ZNF180: variants seen among roughly 807,000 people sequenced by gnomAD.
ZNF180 encodes the protein zinc finger protein 180.
A neutral mutation model predicts 11.8 loss-of-function variants in ZNF180; 11 were observed. That is an observed-to-expected ratio of 0.93 (90% CI 0.59 to 1.55). ZNF180 has a LOEUF of 1.55. ZNF180 is among the 40% of genes most tolerant of loss of function. The pLI, the probability that ZNF180 is intolerant of heterozygous loss-of-function variation, is 0.00. For synonymous variants in ZNF180, 287 were observed against 257.7 expected (o/e 1.11, Z -1.09); for missense variants, 773 against 781.7 (o/e 0.99, Z 0.13).
At chr19:44,484,210 G>T (rs1225074117) in intron 3 of ZNF180, 151 bp downstream of exon 3, 5 of 643,532 alleles carry the variant, frequency 7.8e-6, no homozygotes, top group Non-Finnish European at 1.4e-5. Context: ...GTGTTAGCCA[G>T]GATGGTCTCG....
At chr19:44,494,556 CAAA>C (rs1970531554) in intron 2 of ZNF180, among the ~76,000 whole-genome samples, 1 of 152,024 alleles carries the variant, frequency 6.6e-6, no homozygotes, top group African/African-American at 2.4e-5. Context: ...CCTGTAGTCC[CAAA>C]TACTCAGGAG....
At chr19:44,479,465 T>A (rs887485999) in intron 3 of ZNF180, 56 bp from the exon 4 acceptor site, 1 of 1,605,114 alleles carries the variant, frequency 6.2e-7, no homozygotes, top group African/African-American at 1.4e-5. Flanking sequence ...CCAAAGTTCA[T>A]GGAGGAGGAA....
chr19:44,495,391 C>T lies in ZNF180; in HGVS notation c.51+1893G>A, dbSNP rs985916256. ...TCCTCTGCCACTTGGACTTGGACAG[C>T]CCACGTCAGGCCACCCCACTGTGTC... On this transcript the variant is annotated intron_variant, in intron 2 of 4. Coordinates refer to ENST00000592529, the MANE Select transcript of ZNF180 (RefSeq NM_001278509.3). The surrounding 1 kb of genome is among the most constrained non-coding windows in gnomAD (Gnocchi z 4.5). Among the ~76,000 whole-genome samples the T allele has an allele frequency of 1.1e-4, 17 of 152,056 alleles. No individual in the cohort carries two copies. The highest frequency in any genetic ancestry group is 3.3e-4 in the Admixed American group (5 of 15,272).
rs148114847 is a variant in ZNF180, at chr19:44,490,164, AAGGGAGGGAGGG to A, written c.52-5741_52-5730del. Among the ~76,000 whole-genome samples the A allele has an allele frequency of 4.6e-3, 336 of 73,616 alleles. 3 individuals carry two copies. The highest frequency in any genetic ancestry group is 0.013 in the African/African-American group (281 of 22,038). The allele number at this position is 73,616 out of a possible 152,430, so 48.3% of individuals were successfully genotyped here. A position where few individuals can be genotyped will look rare whatever the true frequency, so the allele number is the denominator to read the frequency against. ...AAGAAAGGGAAAAAGGAAATAGGAG[AAGGGAGGGAGGG>A]AGGGAGGGAGGGAGGGAGGATGGAA... On this transcript the variant is annotated intron_variant, in intron 2 of 4. Coordinates refer to ENST00000592529, the MANE Select transcript of ZNF180 (RefSeq NM_001278509.3).
At chr19:44,486,437 C>T (rs918452909) in intron 2 of ZNF180, among the ~76,000 whole-genome samples, 1 of 152,202 alleles carries the variant, frequency 6.6e-6, no homozygotes, top group Non-Finnish European at 1.5e-5. Flanking sequence ...TGAAACAACG[C>T]AATTCCTTTG....
chr19:44,483,995 C>CTTTTT (rs66671115), intron 3 of ZNF180, among the ~76,000 whole-genome samples: 4 of 136,850 alleles, frequency 2.9e-5, no homozygotes, highest in Non-Finnish European at 3.1e-5. Flanking sequence ...TTCTTTCTTT[C>CTTTTT]TTTTTTTTTT....
At chr19:44,499,753 C>G in intron 1 of ZNF180, among the ~76,000 whole-genome samples, 1 of 152,196 alleles carries the variant, frequency 6.6e-6, no homozygotes, top group East Asian at 1.9e-4. Context: ...CCACCAACCA[C>G]AGCGCCCCCA....
At chr19:44,485,079 T>G (rs1490693201) in intron 2 of ZNF180, 1 of 147,072 alleles carries the variant, frequency 6.8e-6, no homozygotes, top group African/African-American at 2.6e-5. Context: ...GAGAATCACT[T>G]GAACACAGGA....
chr19:44,495,274 C>T lies in ZNF180; in HGVS notation c.51+2010G>A, dbSNP rs1022725390. Among the ~76,000 whole-genome samples, 29 of 152,246 alleles carry T rather than the reference C, an allele frequency of 1.9e-4. No homozygotes were observed. Among genetic ancestry groups the T allele is most frequent in the African/African-American group, 6.7e-4 (28 of 41,538 alleles). On this transcript the variant is annotated intron_variant, in intron 2 of 4. Transcript: ENST00000592529. The surrounding 1 kb of genome is among the most constrained non-coding windows in gnomAD (Gnocchi z 4.5). ...TTCCCAGACTCCCTGGGCTCTGCCA[C>T]CCCACACTCGGCCACCCTCTGCCCA...
chr19:44,494,824 G>A (rs1273437134), intron 2 of ZNF180, among the ~76,000 whole-genome samples: 1 of 152,092 alleles, frequency 6.6e-6, no homozygotes. Flanking sequence ...AATGCTATTT[G>A]TAACAGCAAA....
chr19:44,476,252 A>G lies in ZNF180; in HGVS notation c.*150T>C, dbSNP rs931101675. 2.7e-6 allele frequency: 2 copies of G among 746,922 alleles called. No homozygotes were observed. Among genetic ancestry groups the G allele is most frequent in the Non-Finnish European group, 2.0e-6 (1 of 502,066 alleles). The allele number at this position is 746,922 out of a possible 1,614,324, so 46.3% of individuals were successfully genotyped here. The stretch of plus-strand genomic sequence containing the variant: ...TAGACTTTCCCCCTTTCTTTTCCAG[A>G]ACAAATTTGAGACACACAATTAACA... On this transcript the variant is annotated 3_prime_UTR_variant, in exon 5 of 5. Transcript: ENST00000592529.
At position 44,477,820 on chromosome 19, in the gene ZNF180, C is replaced by T; in HGVS notation, c.580G>A (p.Val194Ile). Reference protein sequence around the residue: ...IPIRNHFHKHVSHAKKWHLNA... With the variant: ...IPIRNHFHKHISHAKKWHLNA... The stretch of plus-strand genomic sequence containing the variant: ...AGATGCCATTTTTTAGCATGTGATA[C>T]ATGTTTATGAAAATGGTTTCTTATG... The change falls in exon 5 of 5, where the codon GTA becomes ATA. Residue 194 changes from valine (V) to isoleucine (I), a missense_variant. Val to Ile is a conservative substitution (Grantham distance 29). Coordinates refer to ENST00000592529, the MANE Select transcript of ZNF180 (RefSeq NM_001278509.3). 1.9e-6 allele frequency: 3 copies of T among 1,613,896 alleles called. No homozygotes were observed. The Admixed American group carries it at 5.0e-5, about 27-fold the overall frequency.
chr19:44,499,267 G>A (rs531591510), intron 1 of ZNF180, among the ~76,000 whole-genome samples: 5 of 152,322 alleles, frequency 3.3e-5, no homozygotes, highest in African/African-American at 9.6e-5. Flanking sequence ...CGGCCTGGGT[G>A]TTGTGCAGTC....
At chr19:44,488,959 C>T (rs1944829392) in intron 2 of ZNF180, among the ~76,000 whole-genome samples, 1 of 151,170 alleles carries the variant, frequency 6.6e-6, no homozygotes, top group Non-Finnish European at 1.5e-5. Flanking sequence ...CGGCAGCCGC[C>T]CCGTCTGAGA....
chr19:44,485,979 C>T (rs1399850604), intron 2 of ZNF180, among the ~76,000 whole-genome samples: 2 of 152,062 alleles, frequency 1.3e-5, no homozygotes, highest in Non-Finnish European at 2.9e-5. Flanking sequence ...TAAAGTACAT[C>T]AGGATGCATA....
In ZNF180 at chr19:44,479,223, G is replaced by A. The variant is rs546249400; in HGVS notation, c.253+60C>T. On this transcript the variant is annotated intron_variant, in intron 4 of 4. Transcript: ENST00000592529. ...CTGCTGAATTTCACAGTTCTTAATC[G>A]ATCAGAATGTGAAATCATTTCAGTA... 38 of 1,577,558 alleles carry A rather than the reference G, an allele frequency of 2.4e-5. No individual in the cohort carries two copies. The East Asian group carries it at 3.0e-4, about 12-fold the overall frequency.
intron 1 of ZNF180, among the ~76,000 whole-genome samples, chr19:44,498,216 C>T (rs929492286): frequency 6.6e-6 from 1 of 152,172 alleles, no homozygotes; most frequent in African/African-American, 2.4e-5. Context: ...ACAAGCCAGA[C>T]AAAAGCAGCC....
At chr19:44,490,020 A>AAAAG (rs1970396854) in intron 2 of ZNF180, among the ~76,000 whole-genome samples, 1 of 32,960 alleles carries the variant, frequency 3.0e-5, no homozygotes, top group African/African-American at 7.7e-5. Flanking sequence ...GAAAAGAAAG[A>AAAAG]AAAAGACAGG....
chr19:44,477,044 T>C lies in ZNF180; in HGVS notation c.1356A>G (p.Lys452=), dbSNP rs952619498. The C allele has an allele frequency of 2.5e-6, 4 of 1,613,734 alleles. No individual in the cohort carries two copies. The highest frequency in any genetic ancestry group is 3.4e-6 in the Non-Finnish European group (4 of 1,179,944). ...QCGKSFIQSY[K]LIAHQRIHTG... ...TATGAATTCTTTGATGTGCAATAAGTTTATAGCTCTGGATAAATGATTTCC... is the reference window on the plus strand; with the variant it reads ...TATGAATTCTTTGATGTGCAATAAGCTTATAGCTCTGGATAAATGATTTCC... The change falls in exon 5 of 5, where the codon AAA becomes AAG. Residue 452 remains lysine, a synonymous_variant. Transcript: ENST00000592529.
Sources: allele counts gnomAD v4.1 joint callset (sites outside exome capture counted in the v4.1 genomes callset), GRCh38; gene constraint gnomAD v4.1.1; non-coding constraint Gnocchi (gnomAD v3.1); transcripts MANE v1.5; gene names NCBI Gene and HGNC (gene_info 2026-07-23, HGNC 2026-07-21).